Variants in LARGE1 observed in about 807,000 individuals in gnomAD.
The protein encoded by LARGE1 is LARGE xylosyl- and glucuronyltransferase 1.
In LARGE1, 43 loss-of-function variants were observed where a neutral mutation model predicts 87.6. The ratio of observed to expected loss-of-function variants is 0.49; its 90% CI spans 0.38 to 0.63. The LOEUF (loss-of-function observed/expected upper bound fraction) is 0.63, where lower values mean the gene tolerates loss of function less well. Ranked by LOEUF, LARGE1 falls within the 30% of genes least tolerant of loss-of-function variation. The probability of loss-of-function intolerance (pLI) is 0.00; values close to 1 mark genes in which losing one functional copy is unlikely to be tolerated. For synonymous variants in LARGE1, 434 were observed against 394.6 expected (o/e 1.10, Z -1.18); for missense variants, 802 against 1,000.2 (o/e 0.80, Z 2.67).
intron 2 of LARGE1, among the ~76,000 whole-genome samples, chr22:33,757,458 C>A (rs496956): frequency 1.6e-4 from 24 of 151,902 alleles, no homozygotes; most frequent in Non-Finnish European, 2.9e-4. Flanking sequence ...CGAAGGCCTA[C>A]CATGAAGAGC....
intron 2 of LARGE1, among the ~76,000 whole-genome samples, chr22:33,746,769 A>G (rs771537656): frequency 6.6e-6 from 1 of 152,222 alleles, no homozygotes; most frequent in Non-Finnish European, 1.5e-5. Flanking sequence ...GTTGTGCAAG[A>G]CAAACAGTAG....
At chr22:33,489,126 G>T (rs1419776441) in intron 6 of LARGE1, among the ~76,000 whole-genome samples, 2 of 152,210 alleles carry the variant, frequency 1.3e-5, no homozygotes, top group East Asian at 1.9e-4. Context: ...GAAGACAAGA[G>T]AATGCAAAGT....
At chr22:33,488,031 A>T (rs2069662987) in intron 6 of LARGE1, among the ~76,000 whole-genome samples, 1 of 152,170 alleles carries the variant, frequency 6.6e-6, no homozygotes, top group Non-Finnish European at 1.5e-5. Flanking sequence ...GAATTTTGCC[A>T]TTTGTTTCCC....
chr22:33,721,766 A>G (rs1048644063), intron 2 of LARGE1, among the ~76,000 whole-genome samples: 7 of 152,346 alleles, frequency 4.6e-5, no homozygotes, highest in Admixed American at 4.6e-4. Context: ...CTTCTCACAG[A>G]AGCTCTGGAC....
chr22:33,196,497 GT>G (rs1407047129), intron 11 of LARGE1, among the ~76,000 whole-genome samples: 1 of 152,040 alleles, frequency 6.6e-6, no homozygotes, highest in African/African-American at 2.4e-5. Context: ...AATAAAATTT[GT>G]AATTAAAAAT....
intron 6 of LARGE1, among the ~76,000 whole-genome samples, chr22:33,521,740 C>T (rs1012109127): frequency 1.3e-5 from 2 of 152,154 alleles, no homozygotes; most frequent in Non-Finnish European, 2.9e-5. Context: ...ATGCAGAGTA[C>T]TAGCAATGTC....
the LARGE1 span, among the ~76,000 whole-genome samples, chr22:33,146,041 T>C: frequency 1.3e-5 from 2 of 152,296 alleles, no homozygotes; most frequent in African/African-American, 4.8e-5. Context: ...AAGCACTTTT[T>C]CCCACGTCTC....
intron 6 of LARGE1, among the ~76,000 whole-genome samples, chr22:33,498,422 T>A (rs1281442796): frequency 6.6e-6 from 1 of 152,148 alleles, no homozygotes; most frequent in Non-Finnish European, 1.5e-5. Context: ...AACATCTTCT[T>A]CTCCAGAACA....
intron 6 of LARGE1, among the ~76,000 whole-genome samples, chr22:33,521,118 G>A (rs1008312830): frequency 3.9e-5 from 6 of 152,204 alleles, no homozygotes; most frequent in Non-Finnish European, 7.3e-5. Context: ...GTTATTTCAG[G>A]AATGACTATA....
At chr22:33,389,826 C>T (rs1019832935) in intron 7 of LARGE1, among the ~76,000 whole-genome samples, 1 of 151,992 alleles carries the variant, frequency 6.6e-6, no homozygotes, top group African/African-American at 2.4e-5. Context: ...GCCAGGGTGA[C>T]AGAATGAGAC....
At chr22:33,371,679 G>T (rs2064812420) in intron 9 of LARGE1, among the ~76,000 whole-genome samples, 1 of 152,150 alleles carries the variant, frequency 6.6e-6, no homozygotes, top group Admixed American at 6.6e-5. Context: ...AGTAAATTAG[G>T]TAAATGTAAA....
At chr22:33,646,990 A>G (rs558690719) in intron 3 of LARGE1, among the ~76,000 whole-genome samples, 2 of 152,232 alleles carry the variant, frequency 1.3e-5, no homozygotes, top group Admixed American at 6.5e-5. Context: ...TGGCCTGCCA[A>G]AGTGCTGGGA....
chr22:33,214,414 A>G (rs1925106236), intron 11 of LARGE1, among the ~76,000 whole-genome samples: 1 of 151,996 alleles, frequency 6.6e-6, no homozygotes, highest in South Asian at 2.1e-4. Flanking sequence ...TCAACATACA[A>G]ATTTGGGGGG....
intron 2 of LARGE1, among the ~76,000 whole-genome samples, chr22:33,738,887 T>C (rs2083765649): frequency 6.7e-6 from 1 of 149,286 alleles, no homozygotes; most frequent in Non-Finnish European, 1.5e-5. Flanking sequence ...CCAGTTTCCA[T>C]GGACTGGAAA....
At chr22:33,573,577 G>A (rs1042531942) in intron 5 of LARGE1, among the ~76,000 whole-genome samples, 2 of 152,190 alleles carry the variant, frequency 1.3e-5, no homozygotes, top group African/African-American at 4.8e-5. Context: ...TGAGGAGGGC[G>A]AGGGACCAGG....
At chr22:33,349,671 C>A (rs1333389825) in intron 9 of LARGE1, among the ~76,000 whole-genome samples, 3 of 152,146 alleles carry the variant, frequency 2.0e-5, no homozygotes, top group Non-Finnish European at 2.9e-5. Context: ...CAATTCCTGA[C>A]AATTATCAGG....
intron 2 of LARGE1, among the ~76,000 whole-genome samples, chr22:33,716,769 G>A (rs1236079745): frequency 6.6e-6 from 1 of 152,202 alleles, no homozygotes; most frequent in Non-Finnish European, 1.5e-5. Context: ...GAGCCAGAGT[G>A]TGTTAGTAAA....
chr22:33,149,038 T>C, the LARGE1 span, among the ~76,000 whole-genome samples: 1 of 150,612 alleles, frequency 6.6e-6, no homozygotes, highest in African/African-American at 2.4e-5. Flanking sequence ...TTTTCTTTTT[T>C]TCTTTTTTTT....
intron 1 of LARGE1, among the ~76,000 whole-genome samples, chr22:33,909,435 G>C (rs977939454): frequency 6.6e-6 from 1 of 151,946 alleles, no homozygotes; most frequent in East Asian, 1.9e-4. Context: ...TCCAAAACCA[G>C]GGCCTTTAGC....
Sources: gnomAD v4.1 joint callset for allele counts (sites outside exome capture counted in the v4.1 genomes callset) on GRCh38, gnomAD v4.1.1 for gene constraint, MANE v1.5 for transcripts, NCBI Gene and HGNC (gene_info 2026-07-23, HGNC 2026-07-21) for gene names.